Variants in SLC9A4 observed in about 807,000 individuals in gnomAD.
SLC9A4 encodes sodium/hydrogen exchanger 4.
Under a neutral mutation model 67.4 loss-of-function variants are expected in SLC9A4, and 63 were observed. The ratio of observed to expected loss-of-function variants is 0.93; its 90% CI spans 0.76 to 1.15. The LOEUF (loss-of-function observed/expected upper bound fraction) is 1.15. Ranked by LOEUF, SLC9A4 falls within the 50% of genes most tolerant of loss-of-function variation. The pLI, the probability that SLC9A4 is intolerant of heterozygous loss-of-function variation, is 0.00. For missense variants in SLC9A4, 1,089 were observed against 987.7 expected, an observed-to-expected ratio of 1.10 and a Z score of -1.38; for synonymous variants, 393 against 367.2, an observed-to-expected ratio of 1.07 and a Z score of -0.80.
intron 1 of SLC9A4, among the ~76,000 whole-genome samples, chr2:102,477,151 G>A (rs745334144): frequency 6.6e-6 from 1 of 152,148 alleles, no homozygotes; most frequent in Non-Finnish European, 1.5e-5. Context: ...TTGAATTCAA[G>A]GTCTTCCATT....
chr2:102,476,812 A>T (rs1444343900), intron 1 of SLC9A4, among the ~76,000 whole-genome samples: 1 of 152,066 alleles, frequency 6.6e-6, no homozygotes, highest in Non-Finnish European at 1.5e-5. Flanking sequence ...AAGAAGGAGG[A>T]GGAGAAATAG....
At chr2:102,525,269 A>C (rs1674639087) in intron 10 of SLC9A4, 114 bp downstream of exon 10, 1 of 1,484,450 alleles carries the variant, frequency 6.7e-7, no homozygotes, top group Non-Finnish European at 9.1e-7. Context: ...TAAACAAACA[A>C]AACCCCACCT....
intron 8 of SLC9A4, among the ~76,000 whole-genome samples, chr2:102,519,351 T>C (rs1035544773): frequency 1.3e-5 from 2 of 152,238 alleles, no homozygotes; most frequent in Non-Finnish European, 2.9e-5. Flanking sequence ...ATTAGATAAA[T>C]GCTAATCAAA....
At chr2:102,483,841 T>TATATACATACAC (rs370126753) in intron 2 of SLC9A4, among the ~76,000 whole-genome samples, 3 of 126,792 alleles carry the variant, frequency 2.4e-5, no homozygotes, top group African/African-American at 9.3e-5. Flanking sequence ...TATATATATA[T>TATATACATACAC]ACACACACAC....
intron 8 of SLC9A4, among the ~76,000 whole-genome samples, chr2:102,516,017 A>T (rs1685269668): frequency 2.0e-5 from 3 of 152,210 alleles, no homozygotes; most frequent in Non-Finnish European, 2.9e-5. Context: ...CATTTCACTT[A>T]TGTGAGCCCT....
intron 11 of SLC9A4, among the ~76,000 whole-genome samples, chr2:102,527,626 T>C (rs1480893145): frequency 1.3e-5 from 2 of 152,190 alleles, no homozygotes; most frequent in Admixed American, 1.3e-4. Context: ...CAAATTCATA[T>C]AGATTTAAAT....
intron 6 of SLC9A4, among the ~76,000 whole-genome samples, chr2:102,510,049 T>G (rs1685129176): frequency 6.6e-6 from 1 of 151,756 alleles, no homozygotes; most frequent in Admixed American, 6.6e-5. Flanking sequence ...TGCAGCTGAG[T>G]AATTTTATCA....
At chr2:102,529,885 T>TA (rs1401833546) in intron 11 of SLC9A4, among the ~76,000 whole-genome samples, 1 of 152,176 alleles carries the variant, frequency 6.6e-6, no homozygotes, top group Admixed American at 6.5e-5. Context: ...CTTTTGCCTT[T>TA]AGGGCTCACT....
intron 3 of SLC9A4, among the ~76,000 whole-genome samples, 176 bp downstream of exon 3, chr2:102,503,883 C>G (rs1383473403): frequency 6.6e-6 from 1 of 152,168 alleles, no homozygotes; most frequent in Non-Finnish European, 1.5e-5. Context: ...GTCAAACCAA[C>G]GTTCTCTCCA....
intron 6 of SLC9A4, among the ~76,000 whole-genome samples, chr2:102,510,978 T>G (rs1685154311): frequency 6.6e-6 from 1 of 152,174 alleles, no homozygotes; most frequent in Non-Finnish European, 1.5e-5. Context: ...TGAAAGAGCA[T>G]TCTGACAATC....
At chr2:102,474,104 A>T in intron 1 of SLC9A4, 89 bp downstream of exon 1, 2 of 1,445,830 alleles carry the variant, frequency 1.4e-6, no homozygotes, top group South Asian at 2.7e-5. Context: ...GGCTAAGAGG[A>T]TTTTAACTGT....
At chr2:102,527,439 G>T (rs114033637) in intron 11 of SLC9A4, among the ~76,000 whole-genome samples, 1 of 152,138 alleles carries the variant, frequency 6.6e-6, no homozygotes, top group African/African-American at 2.4e-5. Flanking sequence ...ATAATTATAT[G>T]CATGTACCAA....
chr2:102,510,689 T>C (rs1432165802), intron 6 of SLC9A4, among the ~76,000 whole-genome samples: 1 of 152,244 alleles, frequency 6.6e-6, no homozygotes, highest in Non-Finnish European at 1.5e-5. Context: ...TTGTCCTGTT[T>C]GTTTCTAAAA....
chr2:102,514,101 T>G lies in SLC9A4; in HGVS notation c.1571T>G (p.Phe524Cys). The G allele has an allele frequency of 6.2e-7, 1 of 1,612,704 alleles. No individual in the cohort carries two copies. The highest frequency in any genetic ancestry group is 8.5e-7 in the Non-Finnish European group (1 of 1,179,624). ...GTTTTCATTTTTAGGTTTAAGAAGTTTGATCATAGATACTTACGGAAAATC... is the reference window on the plus strand; with the variant it reads ...GTTTTCATTTTTAGGTTTAAGAAGTGTGATCATAGATACTTACGGAAAATC... ...HYQVRDKFKK[F>C]DHRYLRKILI... is the part of the protein sequence containing the mutation. Residue 524 changes from phenylalanine to cysteine, a missense_variant, in exon 8 of 12, where the codon TTT (phenylalanine) becomes TGT (cysteine). Transcript: ENST00000295269.
At chr2:102,514,335 C>CGAGGAGTAAAGAGGCAGAAATATAAA (rs1685231112) in intron 8 of SLC9A4, 84 bp downstream of exon 8, 3 of 901,174 alleles carry the variant, frequency 3.3e-6, no homozygotes, top group Non-Finnish European at 4.9e-6. Flanking sequence ...TAAAGGTATA[C>CGAGGAGTAAAGAGGCAGAAATATAAA]GAGGAGTAAA....
intron 11 of SLC9A4, among the ~76,000 whole-genome samples, chr2:102,529,830 G>T (rs1674742965): frequency 6.6e-6 from 1 of 152,152 alleles, no homozygotes; most frequent in African/African-American, 2.4e-5. Context: ...GGATGTCTTG[G>T]AGCTCCATGC....
At chr2:102,512,464 C>T (rs969682851) in intron 7 of SLC9A4, among the ~76,000 whole-genome samples, 191 bp downstream of exon 7, 8 of 152,140 alleles carry the variant, frequency 5.3e-5, no homozygotes, top group Non-Finnish European at 1.0e-4. Context: ...AGGTGGAAGA[C>T]GCAGTTGACT....
intron 1 of SLC9A4, among the ~76,000 whole-genome samples, chr2:102,478,528 A>G (rs1204242659): frequency 6.6e-6 from 1 of 152,170 alleles, no homozygotes; most frequent in Non-Finnish European, 1.5e-5. Flanking sequence ...CGAGTGCAAA[A>G]GTTTCACCCT....
intron 1 of SLC9A4, among the ~76,000 whole-genome samples, chr2:102,474,735 C>T (rs1684292403): frequency 6.6e-6 from 1 of 152,212 alleles, no homozygotes; most frequent in African/African-American, 2.4e-5. Context: ...CTAACTGCTC[C>T]TCCTTATCTC....
Sources: allele counts gnomAD v4.1 joint callset (sites outside exome capture counted in the v4.1 genomes callset), GRCh38; gene constraint gnomAD v4.1.1; transcripts MANE v1.5; gene names NCBI Gene and HGNC (gene_info 2026-07-23, HGNC 2026-07-21).